CFAP20DC: variants seen among roughly 807,000 people sequenced by gnomAD.
CFAP20DC encodes protein CFAP20DC.
CFAP20DC carries 84 observed loss-of-function variants against 101.7 expected under a neutral mutation model. The observed-to-expected ratio is 0.83, with a 90% confidence interval of 0.69 to 0.99. CFAP20DC has a LOEUF of 0.99. Ranked by LOEUF, CFAP20DC falls within the 50% of genes least tolerant of loss-of-function variation. The pLI, the probability that CFAP20DC is intolerant of heterozygous loss-of-function variation, is 0.00. For missense variants in CFAP20DC, 1,007 were observed against 970.3 expected (o/e 1.04, Z -0.50); for synonymous variants, 359 against 351.2 (o/e 1.02, Z -0.25).
At position 58,871,274 on chromosome 3, in the gene CFAP20DC, T is replaced by C. The variant is rs147776344; in HGVS notation, c.716-965A>G. On this transcript the variant is annotated intron_variant, in intron 7 of 16. Transcript: ENST00000482387. Reference sequence around the variant, plus strand: ...CAGGGTGTACCTGGGAGTCAGGAAGTGGCTGGTTTAGCTGGAAGGAGAGGC... The same window carrying C: ...CAGGGTGTACCTGGGAGTCAGGAAGCGGCTGGTTTAGCTGGAAGGAGAGGC... 4.3e-3 allele frequency among the ~76,000 whole-genome samples: 653 copies of C among 152,238 alleles called. 2 individuals are homozygous for C. The highest frequency in any genetic ancestry group is 6.6e-3 in the Non-Finnish European group (450 of 68,008).
At chr3:58,990,305 CTTTG>C (rs1217792605) in intron 4 of CFAP20DC, among the ~76,000 whole-genome samples, 4 of 152,132 alleles carry the variant, frequency 2.6e-5, no homozygotes, top group South Asian at 2.1e-4. Context: ...AGCTGGAATT[CTTTG>C]TTTATTTATT....
intron 4 of CFAP20DC, among the ~76,000 whole-genome samples, chr3:59,010,870 C>T (rs1191590093): frequency 6.6e-6 from 1 of 152,058 alleles, no homozygotes; most frequent in East Asian, 1.9e-4. Context: ...CCTCTCAGAC[C>T]ACAGTGGAAT....
intron 15 of CFAP20DC, 72 bp from the exon 16 acceptor site, chr3:58,753,935 C>T (rs2068746438): frequency 3.8e-6 from 4 of 1,049,120 alleles, no homozygotes; most frequent in Non-Finnish European, 5.7e-6. Context: ...CATGGATTTT[C>T]AGTTCCTTGG....
In CFAP20DC at chr3:59,014,940, C is replaced by A. The variant is rs1435949967; in HGVS notation, c.278+24617G>T. The stretch of plus-strand genomic sequence containing the variant: ...AGCCATGGTGGGAATATTTACACCA[C>A]AGAAACTAGCAAGTACTAAGTAAGC... On this transcript the variant is annotated intron_variant, in intron 4 of 16. Transcript: ENST00000482387. The surrounding 1 kb of genome is among the most constrained non-coding windows in gnomAD (Gnocchi z 4.9). Among the ~76,000 whole-genome samples, 2 of 152,136 alleles carry A rather than the reference C, an allele frequency of 1.3e-5. No homozygotes were observed. The highest frequency in any genetic ancestry group is 6.6e-5 in the Admixed American group (1 of 15,246).
At chr3:58,889,009 T>G (rs551496068) in intron 6 of CFAP20DC, among the ~76,000 whole-genome samples, 4 of 152,260 alleles carry the variant, frequency 2.6e-5, no homozygotes, top group African/African-American at 9.6e-5. Flanking sequence ...TTACTTTTTT[T>G]TTTAATTTTA....
chr3:58,932,570 T>A (rs9839628), intron 5 of CFAP20DC, among the ~76,000 whole-genome samples: 4 of 151,920 alleles, frequency 2.6e-5, no homozygotes, highest in African/African-American at 9.7e-5. Context: ...CTAACAGCTG[T>A]TCTCTCGGCA....
chr3:58,813,535 C>G (rs745363773), intron 14 of CFAP20DC, among the ~76,000 whole-genome samples: 1 of 151,942 alleles, frequency 6.6e-6, no homozygotes, highest in Non-Finnish European at 1.5e-5. Flanking sequence ...TGGCCCCTGA[C>G]TGAGGAGAAC....
intron 4 of CFAP20DC, among the ~76,000 whole-genome samples, chr3:58,997,531 A>G (rs72883323): frequency 0.017 from 2,590 of 152,352 alleles, 68 homozygotes; most frequent in African/African-American, 0.059. Context: ...TTCTCTCTAG[A>G]AGCCTCTAAT....
At chr3:58,750,427 G>A (rs530684330) in intron 16 of CFAP20DC, among the ~76,000 whole-genome samples, 152 of 152,222 alleles carry the variant, frequency 1.0e-3, no homozygotes, top group African/African-American at 3.4e-3. Context: ...CACCTCACTA[G>A]GCTATTGTGA....
intron 7 of CFAP20DC, among the ~76,000 whole-genome samples, chr3:58,877,004 T>G (rs1229025929): frequency 6.6e-6 from 1 of 152,232 alleles, no homozygotes; most frequent in Non-Finnish European, 1.5e-5. Flanking sequence ...ACTGGGATAA[T>G]CGTAGTACTG....
chr3:58,947,568 T>C (rs917414714), intron 4 of CFAP20DC, among the ~76,000 whole-genome samples: 4 of 152,232 alleles, frequency 2.6e-5, no homozygotes, highest in African/African-American at 9.7e-5. Context: ...GCTTCATGTG[T>C]ACTTCATGAC....
At chr3:58,910,817 A>C (rs986499254) in intron 6 of CFAP20DC, among the ~76,000 whole-genome samples, 1 of 152,056 alleles carries the variant, frequency 6.6e-6, no homozygotes, top group African/African-American at 2.4e-5. Flanking sequence ...TCAGAGGAAG[A>C]AAACACCACC....
intron 4 of CFAP20DC, among the ~76,000 whole-genome samples, chr3:58,981,677 A>G (rs963298767): frequency 6.6e-6 from 1 of 152,140 alleles, no homozygotes; most frequent in African/African-American, 2.4e-5. Flanking sequence ...AAACTGGATC[A>G]CTTCCTTACA....
At chr3:58,742,637 C>A in intron 16 of CFAP20DC, 65 bp from the exon 17 acceptor site, 1 of 1,211,714 alleles carries the variant, frequency 8.3e-7, no homozygotes, top group Non-Finnish European at 1.2e-6. Context: ...CAAACAAGGG[C>A]AACGAAGCAG....
At chr3:58,838,896 C>T (rs538814644) in intron 13 of CFAP20DC, among the ~76,000 whole-genome samples, 1 of 152,114 alleles carries the variant, frequency 6.6e-6, no homozygotes, top group East Asian at 1.9e-4. Flanking sequence ...CAAGGATATG[C>T]CATCTACAGG....
chr3:58,846,235 C>T (rs1397430734), intron 13 of CFAP20DC, among the ~76,000 whole-genome samples: 1 of 151,700 alleles, frequency 6.6e-6, no homozygotes, highest in African/African-American at 2.4e-5. Flanking sequence ...TCCCTGTTTG[C>T]AGATGACATG....
At chr3:59,009,184 A>T (rs2093519048) in intron 4 of CFAP20DC, among the ~76,000 whole-genome samples, 1 of 152,132 alleles carries the variant, frequency 6.6e-6, no homozygotes. Context: ...AGTCCAACCA[A>T]AAATAAATTC....
Position 58,831,851 on chromosome 3 carries a change from A to G in CFAP20DC, c.2010T>C (p.Ser670=), listed in dbSNP as rs1269916919. 8 of 1,614,018 alleles carry G rather than the reference A, an allele frequency of 5.0e-6. No individual in the cohort carries two copies. The highest frequency in any genetic ancestry group is 1.1e-5 in the South Asian group (1 of 91,082). Residue 670 remains serine (S), a synonymous_variant, in exon 14 of 17, where the codon AGT becomes AGC. Transcript: ENST00000482387. The stretch of plus-strand genomic sequence containing the variant: ...TTGCTAGCATCTGTAACTCGGATTC[A>G]CTCATCTGGCTTGGCTGATAGTTTC... ...DWRNYQPSQM[S]ESELQMLASL...
In CFAP20DC at chr3:58,859,667, T is replaced by C. The variant is rs2079089729; in HGVS notation, c.1593+3891A>G. Among the ~76,000 whole-genome samples, 1 of 152,216 alleles carries C rather than the reference T, an allele frequency of 6.6e-6. No homozygotes were observed. Among genetic ancestry groups the C allele is most frequent in the Non-Finnish European group, 1.5e-5 (1 of 68,044 alleles). On this transcript the variant is annotated intron_variant, in intron 12 of 16. Coordinates refer to ENST00000482387, the MANE Select transcript of CFAP20DC (RefSeq NM_001394063.1). This position sits in a 1 kb window ranked among gnomAD's most constrained non-coding sequence, Gnocchi z 4.1. ...TACTCATACTGAGTAAACATTAATTTGCCTGGTAGGTATACAGAATATGTT... is the reference window on the plus strand; with the variant it reads ...TACTCATACTGAGTAAACATTAATTCGCCTGGTAGGTATACAGAATATGTT...
Sources: gnomAD v4.1 joint callset for allele counts (sites outside exome capture counted in the v4.1 genomes callset) on GRCh38, gnomAD v4.1.1 for gene constraint, Gnocchi (gnomAD v3.1) non-coding constraint, MANE v1.5 for transcripts, NCBI Gene and HGNC (gene_info 2026-07-23, HGNC 2026-07-21) for gene names.